The following VWF variants were observed in gnomAD, a reference collection of about 807,000 sequenced individuals.
VWF encodes the protein Factor VIII related antigen.
Under a neutral mutation model 308.6 loss-of-function variants are expected in VWF, and 176 were observed. That is an observed-to-expected ratio of 0.57 (90% confidence interval 0.50 to 0.65). The LOEUF is 0.65. VWF is among the 30% of genes least tolerant of loss of function. The probability of loss-of-function intolerance (pLI) is 0.00; values close to 1 mark genes in which losing one functional copy is unlikely to be tolerated. For synonymous variants in VWF, 1,385 were observed against 1,443.4 expected (o/e 0.96, Z 0.92); for missense variants, 3,146 against 3,648.2 (o/e 0.86, Z 3.55).
At chr12:5,974,657 T>C (rs566376236) in intron 43 of VWF, among the ~76,000 whole-genome samples, 2 of 151,780 alleles carry the variant, frequency 1.3e-5, no homozygotes, top group East Asian at 1.9e-4. Context: ...CTGTGTGGAG[T>C]TGAAGTGAGA....
intron 27 of VWF, chr12:6,021,402 G>A (rs1944127387): frequency 6.1e-6 from 1 of 164,670 alleles, no homozygotes; most frequent in Non-Finnish European, 1.3e-5. Flanking sequence ...AAGCCAGGGT[G>A]AGAGCAACGA....
chr12:6,062,246 C>A (rs560482120), intron 13 of VWF, among the ~76,000 whole-genome samples: 25 of 152,226 alleles, frequency 1.6e-4, no homozygotes, highest in Admixed American at 2.6e-4. Context: ...AACTAATCCT[C>A]GCTCTGCCAT....
At chr12:6,092,614 T>TGAGTGAGTGAGTGAGTGAGAGAGAGA (rs71064187) in intron 6 of VWF, among the ~76,000 whole-genome samples, 1 of 86,056 alleles carries the variant, frequency 1.2e-5, no homozygotes, top group African/African-American at 5.8e-5. Flanking sequence ...AGTGAGTGAG[T>TGAGTGAGTGAGTGAGTGAGAGAGAGA]GAGAGTGTGT....
chr12:5,985,608 C>T lies in VWF; in HGVS notation c.6856G>A (p.Gly2286Arg), dbSNP rs779181955. The T allele has an allele frequency of 9.9e-6, 16 of 1,614,024 alleles. No homozygotes were observed. The highest frequency in any genetic ancestry group is 4.4e-5 in the South Asian group (4 of 91,092). ...QPCQICTCLS[G>R]RKVNCTTQPC... ...TGCGTTGTGCAGTTGACCTTCCGCC[C>T]GCTGAGGCATGTGCAGATCTGACAG... Residue 2286 changes from glycine (G) to arginine (R), a missense_variant, in exon 39 of 52, where the codon GGG (glycine) becomes AGG (arginine). Physicochemically the swap from Gly to Arg is moderately radical, Grantham distance 125. Transcript: ENST00000261405.
intron 14 of VWF, among the ~76,000 whole-genome samples, chr12:6,057,647 C>T (rs1156653497): frequency 8.9e-5 from 13 of 146,484 alleles, no homozygotes; most frequent in African/African-American, 2.8e-4. Flanking sequence ...TGGCCTGTGG[C>T]GGGCGCCCAA....
Position 6,034,692 on chromosome 12 carries a change from A to G in VWF, c.2681T>C (p.Val894Ala). The stretch of plus-strand genomic sequence containing the variant: ...CCCCATCTCCCCACCTCTCACCTGC[A>G]CCAGAACGTACTGGCACTCCCCGGG... ...LFPGECQYVL[V>A]QDYCGSNPGT... Residue 894 changes from valine (V) to alanine (A), a missense_variant, in exon 20 of 52, where the codon GTG becomes GCG. Physicochemically the swap from Val to Ala is moderately conservative, Grantham distance 64. Coordinates refer to ENST00000261405, the MANE Select transcript of VWF (RefSeq NM_000552.5). 1 of 1,613,902 alleles carries G rather than the reference A, an allele frequency of 6.2e-7. No homozygotes were observed.
chr12:6,092,622 T>TGAGAGAGA (rs1403649370), intron 6 of VWF, among the ~76,000 whole-genome samples: 3 of 91,492 alleles, frequency 3.3e-5, no homozygotes, highest in African/African-American at 1.6e-4. Context: ...AGTGAGAGTG[T>TGAGAGAGA]GTGTGTGTGT....
chr12:5,953,362 T>C (rs1943215734), intron 48 of VWF, 134 bp downstream of exon 48: 2 of 694,550 alleles, frequency 2.9e-6, no homozygotes. Flanking sequence ...ATCTTTTCTT[T>C]ATATAATCAG....
intron 48 of VWF, 72 bp from the exon 49 acceptor site, chr12:5,952,591 T>G: frequency 1.3e-6 from 2 of 1,579,124 alleles, no homozygotes; most frequent in South Asian, 1.1e-5. Context: ...ACCATGAGCT[T>G]GACTCCATGG....
intron 35 of VWF, among the ~76,000 whole-genome samples, chr12:5,995,674 G>A (rs148764602): frequency 1.1e-4 from 16 of 152,282 alleles, no homozygotes; most frequent in African/African-American, 3.8e-4. Flanking sequence ...ACAGGGTTTA[G>A]GCATTGGACT....
At chr12:6,055,761 T>TACACACACACACACAC (rs35414262) in intron 15 of VWF, among the ~76,000 whole-genome samples, 7,967 of 135,094 alleles carry the variant, frequency 0.059, 289 homozygotes, top group Non-Finnish European at 0.074. Flanking sequence ...TATATATGTA[T>TACACACACACACACAC]ACACACACAC....
Position 6,046,624 on chromosome 12 carries a change from G to T in VWF, c.2281+99C>A. 1 of 1,214,052 alleles carries T rather than the reference G, an allele frequency of 8.2e-7. No individual in the cohort carries two copies. Among genetic ancestry groups the T allele is most frequent in the Non-Finnish European group, 1.2e-6 (1 of 820,798 alleles). The allele number at this position is 1,214,052 out of a possible 1,614,324, so 75.2% of individuals were successfully genotyped here. A position where few individuals can be genotyped will look rare whatever the true frequency, so the allele number is the denominator to read the frequency against. ...GCCAGACCCATGCCTGGGTGCACACGCACATCTGACGGTGTCACCCAGCTC... is the reference window on the plus strand; with the variant it reads ...GCCAGACCCATGCCTGGGTGCACACTCACATCTGACGGTGTCACCCAGCTC... On this transcript the variant is annotated intron_variant, in intron 17 of 51. Coordinates refer to ENST00000261405, the MANE Select transcript of VWF (RefSeq NM_000552.5). The surrounding 1 kb of genome is among the most constrained non-coding windows in gnomAD (Gnocchi z 5.0).
Position 6,092,620 on chromosome 12 carries a change from T to TGAGAGTGAGAGTGAGAGAGAGAGAGA in VWF, c.657+2839_657+2840insTCTCTCTCTCTCTCACTCTCACTCTC, listed in dbSNP as rs1250915385. ...CAGCTAGTTAGTGAGTGAGTGAGAGTGTGTGTGTGTGTGTGTGTGTGTGTG... is the reference window on the plus strand; with the variant it reads ...CAGCTAGTTAGTGAGTGAGTGAGAGTGAGAGTGAGAGTGAGAGAGAGAGAGAGTGTGTGTGTGTGTGTGTGTGTGTG... On this transcript the variant is annotated intron_variant, in intron 6 of 51. Transcript: ENST00000261405. Among the ~76,000 whole-genome samples, 287 of 88,796 alleles carry TGAGAGTGAGAGTGAGAGAGAGAGAGA rather than the reference T, an allele frequency of 3.2e-3. 1 individual carries two copies. Among genetic ancestry groups the TGAGAGTGAGAGTGAGAGAGAGAGAGA allele is most frequent in the African/African-American group, 3.8e-3 (64 of 16,626 alleles). 58.3% of individuals were successfully genotyped at this position (88,796 alleles called of 152,430 possible).
chr12:5,980,269 G>GAGGGAGGGAGGT (rs1203586265), intron 42 of VWF, among the ~76,000 whole-genome samples: 1 of 132,918 alleles, frequency 7.5e-6, no homozygotes, highest in Non-Finnish European at 1.6e-5. Context: ...GGGAGGGAGG[G>GAGGGAGGGAGGT]AGGAGGACAG....
chr12:6,042,031 G>A (rs1343680604), intron 18 of VWF, among the ~76,000 whole-genome samples: 1 of 152,100 alleles, frequency 6.6e-6, no homozygotes, highest in Non-Finnish European at 1.5e-5. Flanking sequence ...ATCTCCTTGG[G>A]GCCCACAGCC....
At chr12:5,974,132 A>C (rs570543913) in intron 43 of VWF, among the ~76,000 whole-genome samples, 21 of 152,292 alleles carry the variant, frequency 1.4e-4, no homozygotes, top group African/African-American at 5.1e-4. Context: ...TATGAGCCCA[A>C]GTGCCTCTGA....
intron 34 of VWF, among the ~76,000 whole-genome samples, chr12:6,000,793 CAG>C (rs1301963952): frequency 2.3e-5 from 1 of 44,282 alleles, no homozygotes; most frequent in African/African-American, 7.4e-5. Context: ...GCCTGAGCCA[CAG>C]AGCGAGACTC....
chr12:6,092,673 G>GTGTGTGTGTA lies in VWF; in HGVS notation c.657+2786_657+2787insTACACACACA, dbSNP rs1356836169. 4.5e-3 allele frequency among the ~76,000 whole-genome samples: 554 copies of GTGTGTGTGTA among 123,502 alleles called. 30 individuals carry two copies. Among genetic ancestry groups the GTGTGTGTGTA allele is most frequent in the African/African-American group, 7.1e-3 (183 of 25,934 alleles). 81.0% of individuals were successfully genotyped at this position (123,502 alleles called of 152,430 possible). On this transcript the variant is annotated intron_variant, in intron 6 of 51. Transcript: ENST00000261405. ...TGTGTGTGTGTGTGTGTGTGTGTGT[G>GTGTGTGTGTA]CTGACCAGCATTCCTTCCTGGTAAG...
In VWF at chr12:6,036,480, C is replaced by G; in HGVS notation, c.2454G>C (p.Glu818Asp). 1 of 1,614,180 alleles carries G rather than the reference C, an allele frequency of 6.2e-7. No homozygotes were observed. The highest frequency in any genetic ancestry group is 8.5e-7 in the Non-Finnish European group (1 of 1,180,020). ...CLCPPGMVRHENRCVALERCP... is the reference protein window; with the variant it reads ...CLCPPGMVRHDNRCVALERCP... The stretch of plus-strand genomic sequence containing the variant: ...ACCTTTCCAGGGCCACACATCTGTT[C>G]TCATGCCGGACCTAAGAGAAAAGAA... The change falls in exon 19 of 52, where the codon GAG (glutamate) becomes GAC (aspartate). Residue 818 changes from glutamate to aspartate, a missense_variant. Coordinates refer to ENST00000261405, the MANE Select transcript of VWF (RefSeq NM_000552.5).
Sources: gnomAD v4.1 joint callset for allele counts (sites outside exome capture counted in the v4.1 genomes callset) on GRCh38, gnomAD v4.1.1 for gene constraint, Gnocchi (gnomAD v3.1) non-coding constraint, MANE v1.5 for transcripts, NCBI Gene and HGNC (gene_info 2026-07-23, HGNC 2026-07-21) for gene names.